CORIN: variants seen among roughly 807,000 people sequenced by gnomAD.
CORIN encodes atrial natriuretic peptide-converting enzyme.
In CORIN, 117 loss-of-function variants were observed where a neutral mutation model predicts 125.3. The observed-to-expected ratio is 0.93, with a 90% CI of 0.80 to 1.09. CORIN has a LOEUF of 1.09. Ranked by LOEUF, CORIN falls within the 50% of genes least tolerant of loss-of-function variation. The probability of loss-of-function intolerance (pLI) is 0.00; values close to 1 mark genes in which losing one functional copy is unlikely to be tolerated. For synonymous variants in CORIN, 450 were observed against 466.4 expected, an observed-to-expected ratio of 0.96 and a Z score of 0.45; for missense variants, 1,253 against 1,306.7, an observed-to-expected ratio of 0.96 and a Z score of 0.63.
intron 16 of CORIN, among the ~76,000 whole-genome samples, chr4:47,628,233 T>C (rs1279470824): frequency 6.6e-6 from 1 of 152,196 alleles, no homozygotes; most frequent in Non-Finnish European, 1.5e-5. Context: ...TGAATTTGTT[T>C]GGTTGTATTT....
chr4:47,664,837 G>A (rs535463903), intron 11 of CORIN, among the ~76,000 whole-genome samples, 195 bp downstream of exon 11: 92 of 152,234 alleles, frequency 6.0e-4, no homozygotes, highest in African/African-American at 2.1e-3. Context: ...CCCTTGTTTG[G>A]TACTTCGTTA....
intron 1 of CORIN, among the ~76,000 whole-genome samples, chr4:47,823,384 G>T (rs1474277170): frequency 3.3e-5 from 5 of 152,062 alleles, no homozygotes; most frequent in African/African-American, 1.2e-4. Context: ...CAAGGATCCT[G>T]GTTCCTTTTT....
At chr4:47,766,503 T>C (rs1475776130) in intron 3 of CORIN, among the ~76,000 whole-genome samples, 1 of 152,120 alleles carries the variant, frequency 6.6e-6, no homozygotes, top group Non-Finnish European at 1.5e-5. Context: ...TCTAGTTGCA[T>C]GAGAGGCTAG....
chr4:47,791,263 C>T (rs1436230262), intron 2 of CORIN, among the ~76,000 whole-genome samples: 3 of 152,092 alleles, frequency 2.0e-5, no homozygotes, highest in Non-Finnish European at 4.4e-5. Flanking sequence ...TGGACCATTG[C>T]TTGTTTTGAA....
chr4:47,685,485 A>C (rs1171781847), intron 6 of CORIN, among the ~76,000 whole-genome samples: 2 of 152,218 alleles, frequency 1.3e-5, no homozygotes, highest in Non-Finnish European at 2.9e-5. Flanking sequence ...AAATCTGAGA[A>C]GTAGTTACAG....
At position 47,680,248 on chromosome 4, in the gene CORIN, C is replaced by A. The variant is rs1725210927; in HGVS notation, c.1025G>T (p.Cys342Phe). Residue 342 changes from cysteine to phenylalanine, a missense_variant, in exon 8 of 22, where the codon TGC becomes TTC. Physicochemically the swap from Cys to Phe is radical, Grantham distance 205. Transcript: ENST00000273857. ...GCAGCGATGCTCTGTTGTGGGATTG[C>A]AATCTGGAGAAATGAAAACTCACGA... ...GDLSDEQNCD[C>F]NPTTEHRCGD... 2 of 1,612,332 alleles carry A rather than the reference C, an allele frequency of 1.2e-6. No homozygotes were observed. The highest frequency in any genetic ancestry group is 1.7e-5 in the Admixed American group (1 of 59,962).
At chr4:47,606,409 C>T (rs546428060) in intron 19 of CORIN, among the ~76,000 whole-genome samples, 6 of 152,214 alleles carry the variant, frequency 3.9e-5, no homozygotes, top group Non-Finnish European at 7.4e-5. Context: ...ACACACACCA[C>T]CATATCTGAC....
chr4:47,812,220 G>T (rs543905395), intron 1 of CORIN, among the ~76,000 whole-genome samples: 99 of 152,230 alleles, frequency 6.5e-4, no homozygotes, highest in African/African-American at 2.3e-3. Context: ...ATATGTGGCT[G>T]GGCACAATGG....
intron 5 of CORIN, among the ~76,000 whole-genome samples, chr4:47,732,653 T>C (rs1043311332): frequency 6.7e-6 from 1 of 149,872 alleles, no homozygotes; most frequent in Non-Finnish European, 1.5e-5. Context: ...AACCTCCGCC[T>C]CCCAGGCTCA....
At chr4:47,775,653 G>A (rs1730265165) in intron 3 of CORIN, among the ~76,000 whole-genome samples, 1 of 152,160 alleles carries the variant, frequency 6.6e-6, no homozygotes, top group Non-Finnish European at 1.5e-5. Context: ...GCTGAGGGTG[G>A]ATGGAGGGAA....
intron 5 of CORIN, among the ~76,000 whole-genome samples, chr4:47,735,987 T>C (rs1728117106): frequency 6.6e-6 from 1 of 151,772 alleles, no homozygotes; most frequent in African/African-American, 2.4e-5. Flanking sequence ...TAATGTTATT[T>C]TGATTTTCAA....
In CORIN at chr4:47,641,996, C is replaced by T; in HGVS notation, c.2122G>A (p.Ala708Thr). ...SSSFLMVHRAATEHHVCADGW... is the reference protein window; with the variant it reads ...SSSFLMVHRATTEHHVCADGW... ...TCTGCACACACATGGTGTTCTGTGG[C>T]AGCTCTGTGAACCATCAGAAAGGAA... Residue 708 changes from alanine to threonine, a missense_variant, in exon 16 of 22, where the codon GCC becomes ACC. Ala to Thr is a moderately conservative substitution (Grantham distance 58). Transcript: ENST00000273857. 1 of 1,613,594 alleles carries T rather than the reference C, an allele frequency of 6.2e-7. No individual in the cohort carries two copies. The highest frequency in any genetic ancestry group is 8.5e-7 in the Non-Finnish European group (1 of 1,179,654).
chr4:47,629,390 T>C (rs949381866), intron 16 of CORIN, among the ~76,000 whole-genome samples: 1 of 152,218 alleles, frequency 6.6e-6, no homozygotes, highest in African/African-American at 2.4e-5. Context: ...ATCAGGTTAT[T>C]TGGCTTTTTG....
chr4:47,775,627 T>A (rs560193367), intron 3 of CORIN, among the ~76,000 whole-genome samples: 3 of 152,096 alleles, frequency 2.0e-5, no homozygotes, highest in Non-Finnish European at 4.4e-5. Context: ...TTTAAACAGA[T>A]CTTCAGAGGG....
At chr4:47,721,897 A>G (rs1020643316) in intron 5 of CORIN, among the ~76,000 whole-genome samples, 5 of 152,196 alleles carry the variant, frequency 3.3e-5, no homozygotes, top group African/African-American at 1.2e-4. Flanking sequence ...TGTTTGTTTT[A>G]TTCTGTTACT....
chr4:47,651,423 T>C (rs1254184446), intron 13 of CORIN, among the ~76,000 whole-genome samples: 1 of 152,244 alleles, frequency 6.6e-6, no homozygotes, highest in Non-Finnish European at 1.5e-5. Context: ...AACAGATGAC[T>C]TCCTATTAGT....
intron 5 of CORIN, among the ~76,000 whole-genome samples, chr4:47,700,750 A>G (rs1560511425): frequency 6.6e-6 from 1 of 152,118 alleles, no homozygotes; most frequent in African/African-American, 2.4e-5. Context: ...AGCCTCTTCT[A>G]CAAGCACGTG....
rs1425594791 is a variant in CORIN, at chr4:47,623,927, A to G, written c.2337T>C (p.Ser779=). The change falls in exon 18 of 22, where the codon AGT becomes AGC. Residue 779 remains serine, a synonymous_variant. Coordinates refer to ENST00000273857, the MANE Select transcript of CORIN (RefSeq NM_006587.4). ...LVNGQSCESR[S]KISLLCTKQD... ...GTTTAGTACACAGAAGAGAAATTTT[A>G]CTTCTGCTCTCACAAGACTGCCTGG... 6.2e-7 allele frequency: 1 copy of G among 1,613,822 alleles called. No homozygotes were observed. Among genetic ancestry groups the G allele is most frequent in the Non-Finnish European group, 8.5e-7 (1 of 1,179,710 alleles).
intron 19 of CORIN, among the ~76,000 whole-genome samples, chr4:47,609,473 C>T (rs1721790418): frequency 6.6e-6 from 1 of 152,164 alleles, no homozygotes; most frequent in Non-Finnish European, 1.5e-5. Context: ...CTCCTGACCT[C>T]AGGTGATCCA....
Sources: allele counts gnomAD v4.1 joint callset (sites outside exome capture counted in the v4.1 genomes callset), GRCh38; gene constraint gnomAD v4.1.1; transcripts MANE v1.5; gene names NCBI Gene and HGNC (gene_info 2026-07-23, HGNC 2026-07-21).